The following ADARB2 variants were observed in gnomAD, a reference collection of about 807,000 sequenced individuals.
The protein encoded by ADARB2 is adenosine deaminase RNA specific B2 (inactive).
A neutral mutation model predicts 62.2 loss-of-function variants in ADARB2; 25 were observed. The observed-to-expected ratio is 0.40, with a 90% CI of 0.29 to 0.56. ADARB2 has a LOEUF of 0.56. Ranked by LOEUF, ADARB2 falls within the 20% of genes least tolerant of loss-of-function variation. The pLI is 0.43. For synonymous variants in ADARB2, 572 were observed against 500.8 expected, an observed-to-expected ratio of 1.14 and a Z score of -1.90; for missense variants, 1,071 against 1,077.4, an observed-to-expected ratio of 0.99 and a Z score of 0.08.
At chr10:1,500,437 G>T (rs1250991019) in intron 1 of ADARB2, among the ~76,000 whole-genome samples, 1 of 152,176 alleles carries the variant, frequency 6.6e-6, no homozygotes, top group Admixed American at 6.5e-5. Context: ...TTTCATAGCT[G>T]CCAAAAAGGC....
At chr10:1,572,951 G>A (rs1024319121) in intron 1 of ADARB2, among the ~76,000 whole-genome samples, 3 of 152,224 alleles carry the variant, frequency 2.0e-5, no homozygotes, top group Non-Finnish European at 4.4e-5. Context: ...CTGCAGCGGT[G>A]ACCTTTCTCC....
Position 1,282,228 on chromosome 10 carries a change from C to T in ADARB2, c.1078-11159G>A, listed in dbSNP as rs142874684. 6.3e-3 allele frequency among the ~76,000 whole-genome samples: 967 copies of T among 152,294 alleles called. 12 individuals carry two copies. Among genetic ancestry groups the T allele is most frequent in the African/African-American group, 0.021 (892 of 41,544 alleles). On this transcript the variant is annotated intron_variant, in intron 3 of 9. Transcript: ENST00000381312. The stretch of plus-strand genomic sequence containing the variant: ...CCTTTCGAGACCACCTTGGTGTTTA[C>T]GTGGTGCTCAGAGACCTGAAATATT...
chr10:1,705,378 C>T (rs1189798872), intron 1 of ADARB2, among the ~76,000 whole-genome samples: 5 of 152,016 alleles, frequency 3.3e-5, no homozygotes, highest in Non-Finnish European at 5.9e-5. Context: ...TGGATGGCAC[C>T]AGGGGTCCTG....
intron 1 of ADARB2, among the ~76,000 whole-genome samples, chr10:1,573,603 T>C (rs1470559984): frequency 1.3e-5 from 2 of 152,138 alleles, no homozygotes; most frequent in African/African-American, 4.8e-5. Flanking sequence ...CCCCTTCCCC[T>C]CCCAGGCCCA....
intron 1 of ADARB2, among the ~76,000 whole-genome samples, chr10:1,725,371 G>A (rs1342207472): frequency 3.3e-5 from 5 of 152,170 alleles, no homozygotes; most frequent in African/African-American, 9.7e-5. Context: ...TCTGACATGA[G>A]CCCAGACTAG....
chr10:1,512,339 T>A (rs1409213625), intron 1 of ADARB2, among the ~76,000 whole-genome samples: 1 of 152,126 alleles, frequency 6.6e-6, no homozygotes, highest in Non-Finnish European at 1.5e-5. Flanking sequence ...CTATGCTGGA[T>A]ACCAAGATGC....
intron 7 of ADARB2, chr10:1,216,616 G>A (rs900390569): frequency 8.8e-6 from 3 of 339,596 alleles, no homozygotes; most frequent in Non-Finnish European, 1.6e-5. Context: ...GTTAGCCTAT[G>A]GCCACCCCGA....
chr10:1,383,663 T>C (rs1476954633), intron 1 of ADARB2, among the ~76,000 whole-genome samples: 2 of 152,370 alleles, frequency 1.3e-5, no homozygotes, highest in African/African-American at 4.8e-5. Flanking sequence ...TACTTGGTTA[T>C]TAGTCACACT....
intron 1 of ADARB2, among the ~76,000 whole-genome samples, chr10:1,669,020 C>T (rs1294422980): frequency 6.6e-6 from 1 of 152,222 alleles, no homozygotes; most frequent in Non-Finnish European, 1.5e-5. Context: ...CCCTTGGCCC[C>T]TGGGGCTGGC....
chr10:1,575,986 GGGTCACTAA>G (rs1833007883), intron 1 of ADARB2, among the ~76,000 whole-genome samples: 1 of 148,676 alleles, frequency 6.7e-6, no homozygotes. Flanking sequence ...AGGGGGCTCA[GGGTCACTAA>G]AGGGAAGTTC....
intron 1 of ADARB2, among the ~76,000 whole-genome samples, chr10:1,597,723 A>C (rs889016333): frequency 1.3e-5 from 2 of 152,246 alleles, no homozygotes; most frequent in Non-Finnish European, 1.5e-5. Flanking sequence ...AGATTTTGCA[A>C]AGAACTAAAA....
At chr10:1,299,619 A>C (rs1242064322) in intron 3 of ADARB2, among the ~76,000 whole-genome samples, 1 of 152,158 alleles carries the variant, frequency 6.6e-6, no homozygotes. Flanking sequence ...CTCATGGGGA[A>C]GCTGCCCTCC....
intron 1 of ADARB2, among the ~76,000 whole-genome samples, chr10:1,386,630 G>A (rs1398238542): frequency 2.0e-5 from 3 of 151,932 alleles, no homozygotes; most frequent in African/African-American, 4.8e-5. Flanking sequence ...TGGTGTTTAT[G>A]CACTCAACAG....
chr10:1,440,123 G>C (rs1297821348), intron 1 of ADARB2, among the ~76,000 whole-genome samples: 1 of 151,134 alleles, frequency 6.6e-6, no homozygotes, highest in Non-Finnish European at 1.5e-5. Context: ...CTCATGATGG[G>C]GCTCCTGAGT....
chr10:1,496,603 T>C (rs560960523), intron 1 of ADARB2, among the ~76,000 whole-genome samples: 2 of 152,138 alleles, frequency 1.3e-5, no homozygotes, highest in South Asian at 4.2e-4. Flanking sequence ...TACTAATCAA[T>C]CTACCATTAT....
At chr10:1,647,916 T>C (rs1235066210) in intron 1 of ADARB2, among the ~76,000 whole-genome samples, 1 of 152,070 alleles carries the variant, frequency 6.6e-6, no homozygotes, top group East Asian at 1.9e-4. Flanking sequence ...ATATATACAA[T>C]TTTTAAATTT....
At chr10:1,271,163 C>T (rs3750675) in intron 3 of ADARB2, 94 bp from the exon 4 acceptor site, 1 of 1,003,582 alleles carries the variant, frequency 1.0e-6, no homozygotes, top group African/African-American at 1.6e-5. Context: ...AGCCTCATCC[C>T]CATGTGGCCA....
At chr10:1,396,632 A>AGGCTTCCTGG (rs1832617018) in intron 1 of ADARB2, among the ~76,000 whole-genome samples, 1 of 147,678 alleles carries the variant, frequency 6.8e-6, no homozygotes, top group Non-Finnish European at 1.5e-5. Context: ...TCCCGAGTGC[A>AGGCTTCCTGG]GGCTTCCTGG....
intron 1 of ADARB2, among the ~76,000 whole-genome samples, chr10:1,600,371 A>C (rs1833394368): frequency 6.6e-6 from 1 of 152,064 alleles, no homozygotes; most frequent in Non-Finnish European, 1.5e-5. Flanking sequence ...ATTAAGATTC[A>C]AGCAGGAGGC....
Sources: gnomAD v4.1 joint callset for allele counts (sites outside exome capture counted in the v4.1 genomes callset) on GRCh38, gnomAD v4.1.1 for gene constraint, MANE v1.5 for transcripts, NCBI Gene and HGNC (gene_info 2026-07-23, HGNC 2026-07-21) for gene names.